FSTL5: variants seen among roughly 807,000 people sequenced by gnomAD.
The protein encoded by FSTL5 is follistatin like 5.
In FSTL5, 62 loss-of-function variants were observed where a neutral mutation model predicts 89.1. The ratio of observed to expected loss-of-function variants is 0.70; its 90% CI spans 0.57 to 0.86. FSTL5 has a LOEUF of 0.86. Ranked by LOEUF, FSTL5 falls within the 40% of genes least tolerant of loss-of-function variation. The pLI, the probability that FSTL5 is intolerant of heterozygous loss-of-function variation, is 0.00. For synonymous variants in FSTL5, 383 were observed against 346.2 expected (o/e 1.11, Z -1.18); for missense variants, 1,057 against 1,001.6 (o/e 1.06, Z -0.75).
Position 161,943,538 on chromosome 4 carries a change from C to CTTTTTTTTTTT in FSTL5, c.161-22897_161-22887dup, listed in dbSNP as rs77101651. On this transcript the variant is annotated intron_variant, in intron 3 of 15. Transcript: ENST00000306100. ...GACTTTTACATCAGAACCACTGTAT[C>CTTTTTTTTTTT]TTTTTTTTTTTTTTTTTTTTTTTTT... Among the ~76,000 whole-genome samples, 9 of 34,366 alleles carry CTTTTTTTTTTT rather than the reference C, an allele frequency of 2.6e-4. 4 individuals carry two copies. The highest frequency in any genetic ancestry group is 9.9e-4 in the African/African-American group (8 of 8,066). 22.5% of individuals were successfully genotyped at this position (34,366 alleles called of 152,430 possible).
chr4:161,734,228 T>C (rs1322155018), intron 6 of FSTL5, among the ~76,000 whole-genome samples: 1 of 152,090 alleles, frequency 6.6e-6, no homozygotes, highest in Non-Finnish European at 1.5e-5. Flanking sequence ...AATAAAAAAA[T>C]AAGTAAAATT....
At chr4:161,557,687 C>G (rs1381618337) in intron 8 of FSTL5, among the ~76,000 whole-genome samples, 1 of 150,392 alleles carries the variant, frequency 6.6e-6, no homozygotes, top group Non-Finnish European at 1.5e-5. Flanking sequence ...TCTGAGTCAT[C>G]AATATTAAAA....
At chr4:161,729,933 C>T (rs1335760773) in intron 6 of FSTL5, among the ~76,000 whole-genome samples, 1 of 152,122 alleles carries the variant, frequency 6.6e-6, no homozygotes, top group Non-Finnish European at 1.5e-5. Flanking sequence ...ATCACTACTT[C>T]CATCTATGTG....
intron 3 of FSTL5, among the ~76,000 whole-genome samples, chr4:161,978,625 T>G (rs769330562): frequency 6.6e-6 from 1 of 152,276 alleles, no homozygotes; most frequent in East Asian, 1.9e-4. Context: ...ACAGTACTAT[T>G]ATAACATTAT....
intron 1 of FSTL5, among the ~76,000 whole-genome samples, chr4:162,114,716 C>T (rs1261495784): frequency 6.6e-6 from 1 of 152,124 alleles, no homozygotes; most frequent in Non-Finnish European, 1.5e-5. Flanking sequence ...AATATTTTAT[C>T]TACCCAAAGG....
intron 4 of FSTL5, among the ~76,000 whole-genome samples, chr4:161,869,913 C>T (rs1429747909): frequency 6.6e-6 from 1 of 152,178 alleles, no homozygotes; most frequent in Non-Finnish European, 1.5e-5. Flanking sequence ...CAGCACTCTT[C>T]TCCCACCTTC....
intron 2 of FSTL5, among the ~76,000 whole-genome samples, chr4:162,080,096 C>T (rs935336687): frequency 6.6e-6 from 1 of 151,464 alleles, no homozygotes; most frequent in African/African-American, 2.4e-5. Context: ...TCACATGAGC[C>T]TTTAACTATT....
At chr4:161,482,199 C>G (rs1729533397) in intron 12 of FSTL5, among the ~76,000 whole-genome samples, 1 of 151,974 alleles carries the variant, frequency 6.6e-6, no homozygotes, top group South Asian at 2.1e-4. Context: ...ACCTGTAGTC[C>G]CAGTTACTTG....
intron 6 of FSTL5, among the ~76,000 whole-genome samples, chr4:161,669,972 A>G (rs768980277): frequency 3.9e-5 from 6 of 152,192 alleles, no homozygotes; most frequent in Non-Finnish European, 8.8e-5. Flanking sequence ...CAAAAATATC[A>G]ACTAAATGTT....
At chr4:161,593,679 G>T (rs542310730) in intron 7 of FSTL5, among the ~76,000 whole-genome samples, 11 of 152,144 alleles carry the variant, frequency 7.2e-5, no homozygotes, top group African/African-American at 2.7e-4. Flanking sequence ...CAATAAAATA[G>T]AAATCCTCAA....
intron 2 of FSTL5, among the ~76,000 whole-genome samples, chr4:162,044,870 C>A (rs1738112219): frequency 1.3e-5 from 2 of 152,170 alleles, no homozygotes. Flanking sequence ...CCTCTCTCAA[C>A]CTTCACAGAA....
At chr4:161,948,239 T>C (rs1734788919) in intron 3 of FSTL5, among the ~76,000 whole-genome samples, 1 of 143,972 alleles carries the variant, frequency 6.9e-6, no homozygotes, top group Admixed American at 7.2e-5. Flanking sequence ...GATGTGATCA[T>C]ATCAGTGCAT....
At chr4:162,059,685 A>C (rs1259668365) in intron 2 of FSTL5, among the ~76,000 whole-genome samples, 1 of 152,142 alleles carries the variant, frequency 6.6e-6, no homozygotes, top group Non-Finnish European at 1.5e-5. Context: ...AGAAATGTTA[A>C]TAATAGTCTA....
chr4:161,564,267 AT>A (rs1031147217), intron 8 of FSTL5, among the ~76,000 whole-genome samples: 1 of 151,008 alleles, frequency 6.6e-6, no homozygotes, highest in Non-Finnish European at 1.5e-5. Flanking sequence ...ACACACAAAC[AT>A]TTTTAACACA....
chr4:162,155,768 G>T (rs1188688598), intron 1 of FSTL5, among the ~76,000 whole-genome samples: 2 of 152,172 alleles, frequency 1.3e-5, no homozygotes, highest in Non-Finnish European at 2.9e-5. Context: ...TTATACAGAG[G>T]TAAGGAACTA....
At chr4:161,987,440 C>T (rs1292273927) in intron 3 of FSTL5, among the ~76,000 whole-genome samples, 1 of 147,902 alleles carries the variant, frequency 6.8e-6, no homozygotes, top group Non-Finnish European at 1.5e-5. Context: ...GCTCATAACT[C>T]CTAATTAACA....
chr4:161,894,202 C>A (rs1158590705), intron 4 of FSTL5, among the ~76,000 whole-genome samples: 2 of 152,024 alleles, frequency 1.3e-5, no homozygotes, highest in Non-Finnish European at 1.5e-5. Flanking sequence ...AGGTGGAGCA[C>A]AGGTTAATAT....
chr4:161,389,180 G>T (rs1442123344), intron 15 of FSTL5, among the ~76,000 whole-genome samples: 1 of 152,096 alleles, frequency 6.6e-6, no homozygotes, highest in East Asian at 1.9e-4. Context: ...TATTTACGAG[G>T]CTCTCAACTT....
At position 161,794,992 on chromosome 4, in the gene FSTL5, AT is replaced by A. The variant is rs1729590776; in HGVS notation, c.410-18919del. Reference sequence around the variant, plus strand: ...TCTATGTATATAACCATGAATATATATTTTATTTACATATATATACACAATA... The same window carrying A: ...TCTATGTATATAACCATGAATATATATTTATTTACATATATATACACAATA... On this transcript the variant is annotated intron_variant, in intron 4 of 15. Coordinates refer to ENST00000306100, the MANE Select transcript of FSTL5 (RefSeq NM_020116.5). 2.0e-5 allele frequency among the ~76,000 whole-genome samples: 3 copies of A among 152,062 alleles called. No individual in the cohort carries two copies. In the South Asian group the frequency reaches 6.2e-4, roughly 32 times the overall value.
Sources: gnomAD v4.1 joint callset for allele counts (sites outside exome capture counted in the v4.1 genomes callset) on GRCh38, gnomAD v4.1.1 for gene constraint, MANE v1.5 for transcripts, NCBI Gene and HGNC (gene_info 2026-07-23, HGNC 2026-07-21) for gene names.